Variants in GDAP1 observed in about 807,000 individuals in gnomAD.
GDAP1 encodes the protein ganglioside induced differentiation associated protein 1, also known as ganglioside-induced differentiation-associated protein 1.
In GDAP1, 34 loss-of-function variants were observed where a neutral mutation model predicts 40.1. The ratio of observed to expected loss-of-function variants is 0.85; its 90% CI spans 0.64 to 1.13. The LOEUF is 1.13. Among genes scored for constraint, GDAP1 ranks in the 50% most tolerant of loss-of-function variants. The probability of loss-of-function intolerance (pLI) is 0.00; values close to 1 mark genes in which losing one functional copy is unlikely to be tolerated. For synonymous variants in GDAP1, 170 were observed against 157.4 expected (o/e 1.08, Z -0.60); for missense variants, 374 against 433.7 (o/e 0.86, Z 1.22).
intron 2 of GDAP1, among the ~76,000 whole-genome samples, chr8:74,375,232 C>G (rs1351482995): frequency 1.3e-5 from 2 of 151,886 alleles, no homozygotes; most frequent in African/African-American, 4.8e-5. Context: ...GAAACTGAGG[C>G]AAGAGAATCT....
At chr8:74,374,753 C>T (rs1044456359) in intron 2 of GDAP1, among the ~76,000 whole-genome samples, 2 of 151,834 alleles carry the variant, frequency 1.3e-5, no homozygotes, top group African/African-American at 4.8e-5. Context: ...ATGAAATTGA[C>T]AAATTTCTTG....
At chr8:74,474,125 T>A (rs2128720902) in intron 2 of GDAP1, among the ~76,000 whole-genome samples, 1 of 152,320 alleles carries the variant, frequency 6.6e-6, no homozygotes, top group Middle Eastern at 3.4e-3. Context: ...ATGCTAGTGA[T>A]TTTTGTACAT....
At chr8:74,427,687 G>A (rs1437714611) in intron 2 of GDAP1, among the ~76,000 whole-genome samples, 2 of 152,060 alleles carry the variant, frequency 1.3e-5, no homozygotes, top group African/African-American at 2.4e-5. Context: ...GCTAAGAAAT[G>A]AGATAAAAAT....
At chr8:74,479,435 G>T (rs997842473) in intron 2 of GDAP1, among the ~76,000 whole-genome samples, 2 of 152,106 alleles carry the variant, frequency 1.3e-5, no homozygotes, top group Non-Finnish European at 2.9e-5. Flanking sequence ...AATTATAAAA[G>T]TGTTTCTATT....
At chr8:74,456,330 A>G (rs888117202) in intron 2 of GDAP1, among the ~76,000 whole-genome samples, 1 of 152,000 alleles carries the variant, frequency 6.6e-6, no homozygotes, top group Middle Eastern at 3.2e-3. Flanking sequence ...AGTCTATTAT[A>G]TAGAGGTTTT....
intron 2 of GDAP1, among the ~76,000 whole-genome samples, chr8:74,416,525 A>T (rs1805781329): frequency 6.7e-6 from 1 of 150,272 alleles, no homozygotes; most frequent in Non-Finnish European, 1.5e-5. Context: ...TTCTGTCCAC[A>T]TGACTAGTTC....
At chr8:74,433,135 G>A (rs1287784445) in intron 2 of GDAP1, among the ~76,000 whole-genome samples, 2 of 152,116 alleles carry the variant, frequency 1.3e-5, no homozygotes, top group Non-Finnish European at 2.9e-5. Context: ...TTAGGCTCTA[G>A]TGCTAAGGTC....
intron 2 of GDAP1, among the ~76,000 whole-genome samples, chr8:74,386,727 C>T (rs1430440036): frequency 6.6e-6 from 1 of 152,082 alleles, no homozygotes. Flanking sequence ...TGAAGAAAGT[C>T]GATGGTAGCT....
At chr8:74,457,312 G>T (rs909725887) in intron 2 of GDAP1, among the ~76,000 whole-genome samples, 1 of 152,078 alleles carries the variant, frequency 6.6e-6, no homozygotes, top group African/African-American at 2.4e-5. Flanking sequence ...TTCTAATCTT[G>T]TGAGCAATGA....
rs534732873 is a variant in GDAP1, at chr8:74,421,761, G to A, written c.166-66917G>A. ...AGGGCGGTTGGTCCTACCTTTGCCA[G>A]TAGGTCTGGCTGTGAGATACGACAA... On this transcript the variant is annotated intron_variant, in intron 2 of 2. Transcript: ENST00000523640. 9.8e-5 allele frequency among the ~76,000 whole-genome samples: 15 copies of A among 152,290 alleles called. No individual in the cohort carries two copies. In the South Asian group the frequency reaches 2.9e-3, roughly 29 times the overall value.
rs1404695096 is a variant in GDAP1, at chr8:74,452,218, G to A, written c.166-36460G>A. Among the ~76,000 whole-genome samples the A allele has an allele frequency of 3.6e-5, 3 of 82,910 alleles. 1 individual carries two copies. The highest frequency in any genetic ancestry group is 7.3e-5 in the Non-Finnish European group (3 of 41,124). The allele number at this position is 82,910 out of a possible 152,430, so 54.4% of individuals were successfully genotyped here. On this transcript the variant is annotated intron_variant, in intron 2 of 2. Coordinates refer to the GDAP1 transcript ENST00000523640. ...GCCCACCTCGGCCTCCCAAAGTGCT[G>A]GGATTACAGGCATGAGCCACTTCGC... is the stretch of plus-strand genomic sequence containing the variant.
rs1449007654 is a variant in GDAP1 at position 74,403,369 on chromosome 8, A to T, written c.165+52048A>T. On this transcript the variant is annotated intron_variant, in intron 2 of 2. Transcript: ENST00000523640. ...GAAGAGGGGATTGCAAACAGATTTA[A>T]AAGTTTAATTATTAATTTTTTTTCT... is the stretch of plus-strand genomic sequence containing the variant. Among the ~76,000 whole-genome samples the T allele has an allele frequency of 2.0e-5, 3 of 150,140 alleles. 1 individual carries two copies. Among genetic ancestry groups the T allele is most frequent in the African/African-American group, 7.6e-5 (3 of 39,434 alleles).
chr8:74,365,255 A>C lies in GDAP1; in HGVS notation c.*888A>C. ...GGGAGGCTGGTCTGTAAACACAAAA[A>C]TTGTTGTCCAGATCTTTCATCTGTT... On this transcript the variant is annotated 3_prime_UTR_variant, in exon 6 of 6. Transcript: ENST00000220822. 1 of 454,112 alleles carries C rather than the reference A, an allele frequency of 2.2e-6. No individual in the cohort carries two copies. Among genetic ancestry groups the C allele is most frequent in the Non-Finnish European group, 4.4e-6 (1 of 226,790 alleles). 28.1% of individuals were successfully genotyped at this position (454,112 alleles called of 1,614,324 possible). A position where few individuals can be genotyped will look rare whatever the true frequency, so the allele number is the denominator to read the frequency against.
rs916105957 is a variant in GDAP1, at chr8:74,362,726, T to C, written c.580-213T>C. Among the ~76,000 whole-genome samples the C allele has an allele frequency of 2.0e-5, 3 of 149,558 alleles. No individual in the cohort carries two copies. In the East Asian group the frequency reaches 6.0e-4, roughly 30 times the overall value. On this transcript the variant is annotated intron_variant, in intron 4 of 5. Coordinates refer to ENST00000220822, the MANE Select transcript of GDAP1 (RefSeq NM_018972.4). ...AGGAGCTGCCAGTGAGTGGTGGGTC[T>C]GCTCCTGGGTCATTTTCACAGCTGG...
intron 2 of GDAP1, among the ~76,000 whole-genome samples, chr8:74,470,742 G>T (rs1806541629): frequency 1.3e-5 from 2 of 152,326 alleles, no homozygotes; most frequent in South Asian, 4.1e-4. Flanking sequence ...ATAGCAGCAT[G>T]ATTTATAATC....
In GDAP1 at chr8:74,351,402, CG is replaced by C. The variant is rs1241632021; in HGVS notation, c.250del (p.Glu84LysfsTer3). On this transcript the variant is annotated frameshift_variant, in exon 2 of 6. Transcript: ENST00000220822. LOFTEE classifies it high-confidence loss of function. ...STGEVPVLIH[G>X]ENIICEATQI... ...CTGGAGAAGTGCCTGTCCTTATCCA[CG>C]GGGAAAACATAATTTGTGAGGCCAC... 6.2e-7 allele frequency: 1 copy of C among 1,613,722 alleles called. No homozygotes were observed. Among genetic ancestry groups the C allele is most frequent in the Non-Finnish European group, 8.5e-7 (1 of 1,179,598 alleles).
At position 74,475,530 on chromosome 8, in the gene GDAP1, C is replaced by A. The variant is rs74221437; in HGVS notation, c.166-13148C>A. Among the ~76,000 whole-genome samples, 6 of 152,202 alleles carry A rather than the reference C, an allele frequency of 3.9e-5. No individual in the cohort carries two copies. The East Asian group carries it at 1.2e-3, about 29-fold the overall frequency. On this transcript the variant is annotated intron_variant, in intron 2 of 2. Transcript: ENST00000523640. ...ATAACTTCTTGATTCCTGCCTTAAT[C>A]TCATTATTTATCTAAAAGTCTTTTA...
intron 2 of GDAP1, among the ~76,000 whole-genome samples, chr8:74,376,524 A>AT (rs563875001): frequency 1.3e-5 from 2 of 151,754 alleles, no homozygotes; most frequent in Non-Finnish European, 2.9e-5. Flanking sequence ...AATTTTTTGT[A>AT]TTTTTTAGTA....
At chr8:74,424,759 T>A (rs1366305834) in intron 2 of GDAP1, among the ~76,000 whole-genome samples, 1 of 152,204 alleles carries the variant, frequency 6.6e-6, no homozygotes, top group Non-Finnish European at 1.5e-5. Flanking sequence ...CTGTCAGTGG[T>A]ATCCATGATG....
Sources: gnomAD v4.1 joint callset for allele counts (sites outside exome capture counted in the v4.1 genomes callset) on GRCh38, gnomAD v4.1.1 for gene constraint, MANE v1.5 for transcripts, NCBI Gene and HGNC (gene_info 2026-07-23, HGNC 2026-07-21) for gene names.